The following SLC27A2 variants were observed in gnomAD, a reference collection of about 807,000 sequenced individuals.
SLC27A2 encodes long-chain fatty acid transport protein 2.
Under a neutral mutation model 60.0 loss-of-function variants are expected in SLC27A2, and 54 were observed. The observed-to-expected ratio is 0.90, with a 90% CI of 0.72 to 1.13. SLC27A2 has a LOEUF of 1.13. SLC27A2 is among the 50% of genes most tolerant of loss of function. The pLI is 0.00. For missense variants in SLC27A2, 739 were observed against 777.6 expected (o/e 0.95, Z 0.59); for synonymous variants, 297 against 297.6 (o/e 1.00, Z 0.02).
At chr15:50,222,599 A>G (rs904436543) in intron 4 of SLC27A2, among the ~76,000 whole-genome samples, 1 of 152,222 alleles carries the variant, frequency 6.6e-6, no homozygotes, top group Non-Finnish European at 1.5e-5. Flanking sequence ...CAAGAAAACT[A>G]TGAACATATT....
intron 1 of SLC27A2, among the ~76,000 whole-genome samples, chr15:50,185,331 T>C (rs2044911934): frequency 1.3e-5 from 2 of 152,228 alleles, no homozygotes. Context: ...GACCGTCAAC[T>C]GACCTCTGAG....
intron 1 of SLC27A2, among the ~76,000 whole-genome samples, chr15:50,186,500 C>T (rs932012036): frequency 1.1e-4 from 17 of 152,016 alleles, no homozygotes; most frequent in African/African-American, 2.4e-5. Flanking sequence ...TGCCGTGGCG[C>T]GATCTCGACT....
At chr15:50,198,114 T>C (rs1476013111) in intron 2 of SLC27A2, 1 of 163,074 alleles carries the variant, frequency 6.1e-6, no homozygotes, top group Non-Finnish European at 1.3e-5. Flanking sequence ...GAGGAGGTTC[T>C]ATTTATATAA....
intron 3 of SLC27A2, among the ~76,000 whole-genome samples, chr15:50,204,311 A>T (rs2045090374): frequency 6.6e-6 from 1 of 152,072 alleles, no homozygotes. Context: ...CTTAAAAAAT[A>T]CAAAAATTAG....
At position 50,228,987 on chromosome 15, in the gene SLC27A2, A is replaced by G. The variant is rs996351006; in HGVS notation, c.1500A>G (p.Thr500=). Residue 500 remains threonine, a synonymous_variant, in exon 8 of 10, where the codon ACA becomes ACG. Coordinates refer to ENST00000267842, the MANE Select transcript of SLC27A2 (RefSeq NM_003645.4). ...TGGCCACCACTGAAGTTGCTGATACAGTTGGACTGGTTGATTTTGTCCAAG... is the reference window on the plus strand; with the variant it reads ...TGGCCACCACTGAAGTTGCTGATACGGTTGGACTGGTTGATTTTGTCCAAG... ...ENVATTEVAD[T]VGLVDFVQEV... 3.7e-6 allele frequency: 6 copies of G among 1,614,132 alleles called. No individual in the cohort carries two copies. Among genetic ancestry groups the G allele is most frequent in the South Asian group, 2.2e-5 (2 of 91,088 alleles).
intron 4 of SLC27A2, among the ~76,000 whole-genome samples, chr15:50,213,825 T>G (rs539162868): frequency 4.6e-5 from 7 of 151,996 alleles, no homozygotes; most frequent in African/African-American, 1.7e-4. Flanking sequence ...CTAAGAGGAA[T>G]CTTCATAGCC....
chr15:50,190,816 G>T (rs145049245), intron 1 of SLC27A2, among the ~76,000 whole-genome samples: 40 of 151,888 alleles, frequency 2.6e-4, no homozygotes, highest in Non-Finnish European at 5.4e-4. Context: ...GACTGATGGA[G>T]CTGCTCTACA....
At chr15:50,216,775 A>G (rs1468480451) in intron 4 of SLC27A2, among the ~76,000 whole-genome samples, 1 of 145,526 alleles carries the variant, frequency 6.9e-6, no homozygotes, top group Non-Finnish European at 1.5e-5. Flanking sequence ...TTCCATAAAA[A>G]TATATATATT....
At chr15:50,218,672 T>C (rs1293273784) in intron 4 of SLC27A2, among the ~76,000 whole-genome samples, 3 of 152,044 alleles carry the variant, frequency 2.0e-5, no homozygotes, top group Admixed American at 2.0e-4. Context: ...AATATTCAGA[T>C]ATTCCAAGTC....
chr15:50,233,879 C>T lies in SLC27A2; in HGVS notation c.1567C>T (p.Arg523Cys), dbSNP rs755222778. The T allele has an allele frequency of 6.8e-6, 11 of 1,612,100 alleles. No individual in the cohort carries two copies. Among genetic ancestry groups the T allele is most frequent in the South Asian group, 2.2e-5 (2 of 90,906 alleles). Residue 523 changes from arginine to cysteine, a missense_variant, in exon 9 of 10, where the codon CGC (arginine) becomes TGC (cysteine). By Grantham distance (180) the Arg-to-Cys change is radical. Coordinates refer to ENST00000267842, the MANE Select transcript of SLC27A2 (RefSeq NM_003645.4). ...CACTTTATTTCTAGATCATGAGGGT[C>T]GCATTGGCATGGCCTCCATCAAAAT... is the stretch of plus-strand genomic sequence containing the variant. ...YGVHVPDHEG[R>C]IGMASIKMKE...
Position 50,229,130 on chromosome 15 carries a change from C to T in SLC27A2, c.1555+88C>T, listed in dbSNP as rs191941217. 4.1e-4 allele frequency: 331 copies of T among 816,338 alleles called. 2 individuals carry two copies. The African/African-American group carries it at 5.1e-3, about 12-fold the overall frequency. The allele number at this position is 816,338 out of a possible 1,614,324, so 50.6% of individuals were successfully genotyped here. On this transcript the variant is annotated intron_variant, in intron 8 of 9. Coordinates refer to ENST00000267842, the MANE Select transcript of SLC27A2 (RefSeq NM_003645.4). The stretch of plus-strand genomic sequence containing the variant: ...GGCGAAGTTTGTCATTGCTTTCTCC[C>T]GCCATCCAGAGTTAAACAGTTCTTT...
Position 50,182,268 on chromosome 15 carries a change from G to T in SLC27A2, c.-160G>T. On this transcript the variant is annotated 5_prime_UTR_variant, in exon 1 of 10. Coordinates refer to ENST00000267842, the MANE Select transcript of SLC27A2 (RefSeq NM_003645.4). ...CGGAGCCCGCGGCGGTACCTGCAGC[G>T]GAGGAGCTCTGTCTTCCCCTTCATC... The T allele has an allele frequency of 1.7e-6, 2 of 1,165,726 alleles. No homozygotes were observed. Among genetic ancestry groups the T allele is most frequent in the Non-Finnish European group, 2.2e-6 (2 of 913,578 alleles). 72.2% of individuals were successfully genotyped at this position (1,165,726 alleles called of 1,614,324 possible).
At position 50,229,041 on chromosome 15, in the gene SLC27A2, A is replaced by C. The variant is rs758728862; in HGVS notation, c.1554A>C (p.Pro518=). The change falls in exon 8 of 10, where the codon CCA becomes CCC. Residue 518 remains proline (P), a splice_region_variant and synonymous_variant. Coordinates refer to ENST00000267842, the MANE Select transcript of SLC27A2 (RefSeq NM_003645.4). The part of the protein sequence containing the change: ...QEVNVYGVHV[P]DHEGRIGMAS... ...TAAATGTTTATGGAGTGCATGTGCC[A>C]GGTATATACAAGATATGATCTGTAC... 6.3e-7 allele frequency: 1 copy of C among 1,595,288 alleles called. No individual in the cohort carries two copies. The highest frequency in any genetic ancestry group is 1.1e-5 in the South Asian group (1 of 90,470).
Position 50,182,784 on chromosome 15 carries a change from G to T in SLC27A2, c.357G>T (p.Trp119Cys), listed in dbSNP as rs767762685. Residue 119 changes from tryptophan to cysteine, a missense_variant, in exon 1 of 10, where the codon TGG becomes TGT. Transcript: ENST00000267842. ...LLMGNEPAYV[W>C]LWLGLVKLGC... ...TGGGTAACGAGCCGGCCTACGTGTG[G>T]CTGTGGCTGGGGCTGGTGAAGCTGG... 1.4e-4 allele frequency: 233 copies of T among 1,613,670 alleles called. No homozygotes were observed. The highest frequency in any genetic ancestry group is 1.9e-4 in the Non-Finnish European group (230 of 1,179,968).
chr15:50,209,326 C>G (rs554156672), intron 4 of SLC27A2, among the ~76,000 whole-genome samples: 2 of 152,038 alleles, frequency 1.3e-5, no homozygotes, highest in African/African-American at 4.8e-5. Flanking sequence ...TGGAGAGTGG[C>G]CAATATGACT....
At chr15:50,196,800 T>G (rs1480517210) in intron 1 of SLC27A2, among the ~76,000 whole-genome samples, 1 of 152,248 alleles carries the variant, frequency 6.6e-6, no homozygotes, top group Non-Finnish European at 1.5e-5. Flanking sequence ...TTAGAGCTTA[T>G]TTCTCAGATC....
intron 7 of SLC27A2, among the ~76,000 whole-genome samples, 189 bp downstream of exon 7, chr15:50,227,367 A>C (rs576737936): frequency 6.6e-6 from 1 of 152,344 alleles, no homozygotes; most frequent in East Asian, 1.9e-4. Context: ...TGCACGGTTA[A>C]CTTGGCTGAG....
chr15:50,191,738 GTAGA>G (rs1032267320), intron 1 of SLC27A2, among the ~76,000 whole-genome samples: 20 of 152,272 alleles, frequency 1.3e-4, no homozygotes, highest in African/African-American at 4.8e-4. Flanking sequence ...ATTATAAAAG[GTAGA>G]TAGATATTTT....
At chr15:50,202,901 T>TAGGGCC (rs2045076265) in intron 3 of SLC27A2, among the ~76,000 whole-genome samples, 1 of 151,900 alleles carries the variant, frequency 6.6e-6, no homozygotes, top group African/African-American at 2.4e-5. Flanking sequence ...ATTTTAGGGC[T>TAGGGCC]GGGTGCAATG....
Sources: allele counts gnomAD v4.1 joint callset (sites outside exome capture counted in the v4.1 genomes callset), GRCh38; gene constraint gnomAD v4.1.1; transcripts MANE v1.5; gene names NCBI Gene and HGNC (gene_info 2026-07-23, HGNC 2026-07-21).